CDH8: variants seen among roughly 807,000 people sequenced by gnomAD.
The protein encoded by CDH8 is cadherin 8, also known as cadherin-8.
A neutral mutation model predicts 68.1 loss-of-function variants in CDH8; 17 were observed. The observed-to-expected ratio is 0.25, with a 90% CI of 0.17 to 0.37. The LOEUF (loss-of-function observed/expected upper bound fraction) is 0.37, where lower values mean the gene tolerates loss of function less well. CDH8 is among the 10% of genes least tolerant of loss of function. The probability of loss-of-function intolerance (pLI) is 1.00; values close to 1 mark genes in which losing one functional copy is unlikely to be tolerated. For synonymous variants in CDH8, 372 were observed against 365.1 expected (o/e 1.02, Z -0.21); for missense variants, 763 against 999.3 (o/e 0.76, Z 3.19).
rs905350287 is a variant in CDH8 at position 61,905,019 on chromosome 16, G to A, written c.253-3546C>T. Among the ~76,000 whole-genome samples, 5 of 152,190 alleles carry A rather than the reference G, an allele frequency of 3.3e-5. No homozygotes were observed. The South Asian group carries it at 6.2e-4, about 19-fold the overall frequency. On this transcript the variant is annotated intron_variant, in intron 2 of 11. Transcript: ENST00000577390. ...TATGAGAATCTAATGCCTGATGATCGGAGGTGGATTCGTTTCATCTGGAAA... is the reference window on the plus strand; with the variant it reads ...TATGAGAATCTAATGCCTGATGATCAGAGGTGGATTCGTTTCATCTGGAAA...
intron 8 of CDH8, among the ~76,000 whole-genome samples, chr16:61,779,718 A>G (rs1015565676): frequency 6.6e-6 from 1 of 152,118 alleles, no homozygotes; most frequent in Non-Finnish European, 1.5e-5. Context: ...TTCTGGTTTT[A>G]AAAGTTCCAA....
intron 1 of CDH8, among the ~76,000 whole-genome samples, chr16:62,030,662 A>G (rs1446399251): frequency 6.6e-6 from 1 of 152,206 alleles, no homozygotes; most frequent in African/African-American, 2.4e-5. Flanking sequence ...AGAAAAAGAC[A>G]TGGAAAATAT....
intron 10 of CDH8, among the ~76,000 whole-genome samples, chr16:61,712,118 T>C (rs1964642501): frequency 6.6e-6 from 1 of 151,734 alleles, no homozygotes. Flanking sequence ...GGGTTTATCA[T>C]AATGTGTGAT....
intron 2 of CDH8, among the ~76,000 whole-genome samples, chr16:61,962,649 C>T (rs78135988): frequency 7.2e-5 from 11 of 152,124 alleles, no homozygotes; most frequent in Non-Finnish European, 1.0e-4. Flanking sequence ...CAAAACTGAA[C>T]GTATGCTGTT....
In CDH8 at chr16:61,655,634, C is replaced by T. The variant is rs1963428136; in HGVS notation, c.1742G>A (p.Ser581Asn). 6.2e-7 allele frequency: 1 copy of T among 1,614,026 alleles called. No individual in the cohort carries two copies. The highest frequency in any genetic ancestry group is 8.5e-7 in the Non-Finnish European group (1 of 1,180,006). Residue 581 changes from serine to asparagine, a missense_variant, in exon 11 of 12, where the codon AGT (serine) becomes AAT (asparagine). Ser to Asn is a conservative substitution (Grantham distance 46, BLOSUM62 1). Coordinates refer to ENST00000577390, the MANE Select transcript of CDH8 (RefSeq NM_001796.5). The part of the protein sequence containing the change: ...VYLLPIIISD[S>N]GNPPLSSTST... ...AGTGCTGCTCAGTGGAGGATTTCCA[C>T]TATCACTGATTATGATTGGTAAAAG...
At chr16:61,921,181 C>G (rs1209225150) in intron 2 of CDH8, among the ~76,000 whole-genome samples, 1 of 150,174 alleles carries the variant, frequency 6.7e-6, no homozygotes, top group Non-Finnish European at 1.5e-5. Flanking sequence ...GTGCACCGCA[C>G]CAGCATGGCA....
intron 2 of CDH8, among the ~76,000 whole-genome samples, chr16:61,998,832 T>A (rs1965848490): frequency 6.6e-6 from 1 of 152,194 alleles, no homozygotes; most frequent in Non-Finnish European, 1.5e-5. Context: ...GATCATTTTC[T>A]CTGTAAGACT....
chr16:61,878,995 T>C (rs1963515648), intron 3 of CDH8, among the ~76,000 whole-genome samples: 1 of 152,162 alleles, frequency 6.6e-6, no homozygotes, highest in Admixed American at 6.6e-5. Flanking sequence ...ATTTGATCCC[T>C]TCTATCTGAG....
At chr16:62,001,664 AC>A (rs1178787310) in intron 2 of CDH8, among the ~76,000 whole-genome samples, 3 of 151,958 alleles carry the variant, frequency 2.0e-5, no homozygotes, top group Non-Finnish European at 4.4e-5. Flanking sequence ...CTTACTTCAA[AC>A]CGGTTTTTTA....
At chr16:61,858,936 T>C (rs935878564) in intron 3 of CDH8, among the ~76,000 whole-genome samples, 3 of 152,058 alleles carry the variant, frequency 2.0e-5, no homozygotes, top group Non-Finnish European at 2.9e-5. Context: ...GAAATCAACA[T>C]GTTCAGCAGC....
chr16:61,922,039 T>C (rs1438474684), intron 2 of CDH8, among the ~76,000 whole-genome samples: 1 of 149,252 alleles, frequency 6.7e-6, no homozygotes, highest in Non-Finnish European at 1.5e-5. Context: ...AAAAAAAAAA[T>C]AGAGGTCACA....
chr16:61,654,300 T>A (rs1367783310), intron 11 of CDH8, among the ~76,000 whole-genome samples, 199 bp from the exon 12 acceptor site: 1 of 152,202 alleles, frequency 6.6e-6, no homozygotes, highest in Non-Finnish European at 1.5e-5. Context: ...TTCCAGATTA[T>A]TGGCTTATTA....
At chr16:61,755,763 CTT>C in intron 8 of CDH8, among the ~76,000 whole-genome samples, 1 of 128,100 alleles carries the variant, frequency 7.8e-6, no homozygotes, top group Non-Finnish European at 1.7e-5. Flanking sequence ...TCTTTTTCTT[CTT>C]CTTCTCCTTC....
intron 7 of CDH8, among the ~76,000 whole-genome samples, chr16:61,814,148 A>G (rs1962020650): frequency 6.6e-6 from 1 of 152,242 alleles, no homozygotes; most frequent in African/African-American, 2.4e-5. Context: ...AGATGATATT[A>G]TCCCATACGG....
At chr16:61,948,323 G>A (rs1457937039) in intron 2 of CDH8, among the ~76,000 whole-genome samples, 1 of 152,100 alleles carries the variant, frequency 6.6e-6, no homozygotes, top group East Asian at 1.9e-4. Flanking sequence ...CATGAAGTTG[G>A]AAGAAGTTGA....
intron 4 of CDH8, among the ~76,000 whole-genome samples, chr16:61,848,344 C>A (rs903249332): frequency 9.9e-5 from 15 of 152,098 alleles, no homozygotes; most frequent in Non-Finnish European, 2.1e-4. Context: ...CATATGCAGA[C>A]CTTGGTTTCT....
At chr16:61,852,766 C>T (rs1212953962) in intron 4 of CDH8, among the ~76,000 whole-genome samples, 1 of 151,786 alleles carries the variant, frequency 6.6e-6, no homozygotes, top group Non-Finnish European at 1.5e-5. Context: ...TATTAATTTG[C>T]ACTTTCTTCC....
At chr16:61,925,994 T>C (rs963998181) in intron 2 of CDH8, among the ~76,000 whole-genome samples, 1 of 152,210 alleles carries the variant, frequency 6.6e-6, no homozygotes, top group Admixed American at 6.5e-5. Flanking sequence ...TTGCTTTACA[T>C]ACATTACTTC....
intron 8 of CDH8, among the ~76,000 whole-genome samples, chr16:61,730,179 C>T (rs912314375): frequency 6.6e-6 from 1 of 151,388 alleles, no homozygotes; most frequent in African/African-American, 2.4e-5. Context: ...CAACAGGTGG[C>T]AAAACTCAGG....
Sources: allele counts gnomAD v4.1 joint callset (sites outside exome capture counted in the v4.1 genomes callset), GRCh38; gene constraint gnomAD v4.1.1; transcripts MANE v1.5; gene names NCBI Gene and HGNC (gene_info 2026-07-23, HGNC 2026-07-21).